MAN1A1: variants seen among roughly 807,000 people sequenced by gnomAD.
MAN1A1 encodes mannosyl-oligosaccharide 1,2-alpha-mannosidase IA.
A neutral mutation model predicts 70.8 loss-of-function variants in MAN1A1; 29 were observed. The observed-to-expected ratio is 0.41, with a 90% CI of 0.31 to 0.56. The LOEUF is 0.56. Ranked by LOEUF, MAN1A1 falls within the 20% of genes least tolerant of loss-of-function variation. The probability of loss-of-function intolerance (pLI) is 0.29; values close to 1 mark genes in which losing one functional copy is unlikely to be tolerated. For synonymous variants in MAN1A1, 349 were observed against 330.1 expected (o/e 1.06, Z -0.62); for missense variants, 747 against 841.3 (o/e 0.89, Z 1.39).
chr6:119,182,608 T>G (rs1306460510), intron 11 of MAN1A1, among the ~76,000 whole-genome samples: 1 of 152,082 alleles, frequency 6.6e-6, no homozygotes, highest in Non-Finnish European at 1.5e-5. Context: ...AAAGTTATTT[T>G]CTGCCATCAC....
chr6:119,198,666 G>A (rs1773637327), intron 8 of MAN1A1, among the ~76,000 whole-genome samples: 1 of 152,056 alleles, frequency 6.6e-6, no homozygotes, highest in African/African-American at 2.4e-5. Flanking sequence ...AAAAATTAGT[G>A]AGAAGACTGA....
intron 2 of MAN1A1, among the ~76,000 whole-genome samples, chr6:119,319,267 A>G (rs762982226): frequency 9.2e-5 from 14 of 152,044 alleles, no homozygotes; most frequent in East Asian, 1.9e-4. Context: ...GTGATGGCAA[A>G]TATTTCCTGG....
At chr6:119,304,755 C>T (rs1440941460) in intron 3 of MAN1A1, among the ~76,000 whole-genome samples, 5 of 152,182 alleles carry the variant, frequency 3.3e-5, no homozygotes, top group Non-Finnish European at 5.9e-5. Context: ...ATGCCTAATA[C>T]TTTCTCCAAA....
chr6:119,238,300 G>A (rs1197168652), intron 6 of MAN1A1, among the ~76,000 whole-genome samples: 3 of 152,158 alleles, frequency 2.0e-5, no homozygotes, highest in Admixed American at 6.5e-5. Context: ...CATGGCATAC[G>A]GAAGACCTCT....
intron 2 of MAN1A1, among the ~76,000 whole-genome samples, chr6:119,311,399 T>G (rs766089248): frequency 1.3e-5 from 2 of 152,142 alleles, no homozygotes; most frequent in African/African-American, 2.4e-5. Context: ...ATCCAAAAGA[T>G]GGAGGAAGAA....
chr6:119,342,575 C>T (rs1433971824), intron 2 of MAN1A1, among the ~76,000 whole-genome samples: 1 of 152,116 alleles, frequency 6.6e-6, no homozygotes, highest in Non-Finnish European at 1.5e-5. Flanking sequence ...TGGTAGAGGC[C>T]AGATTCAGAC....
intron 2 of MAN1A1, among the ~76,000 whole-genome samples, chr6:119,321,868 C>T (rs896048960): frequency 3.9e-5 from 6 of 152,132 alleles, no homozygotes; most frequent in African/African-American, 1.4e-4. Context: ...ATCCACCCAC[C>T]TCAGCCTCCC....
rs1773192059 is a variant in MAN1A1 at position 119,327,623 on chromosome 6, T to C, written c.604-20631A>G. Among the ~76,000 whole-genome samples, 3 of 152,036 alleles carry C rather than the reference T, an allele frequency of 2.0e-5. No individual in the cohort carries two copies. The South Asian group carries it at 6.2e-4, about 32-fold the overall frequency. On this transcript the variant is annotated intron_variant, in intron 2 of 12. Transcript: ENST00000368468. ...CAGGCTACATTCCATATTTTTAAGA[T>C]GGTAGTAAAACATGGTGACTATAGC...
intron 6 of MAN1A1, among the ~76,000 whole-genome samples, chr6:119,211,860 G>A (rs1465439041): frequency 3.4e-5 from 3 of 88,014 alleles, no homozygotes; most frequent in African/African-American, 1.4e-4. Context: ...TTTTTTTTTT[G>A]AGATGGAGTC....
intron 5 of MAN1A1, among the ~76,000 whole-genome samples, chr6:119,287,139 TTG>T (rs141648877): frequency 3.5e-4 from 54 of 152,230 alleles, no homozygotes; most frequent in African/African-American, 1.3e-3. Context: ...TTCAGGGACT[TTG>T]TGTCTTGAGT....
intron 2 of MAN1A1, among the ~76,000 whole-genome samples, chr6:119,347,123 GA>G (rs1240065237): frequency 6.6e-6 from 1 of 152,180 alleles, no homozygotes; most frequent in Non-Finnish European, 1.5e-5. Flanking sequence ...ATCTGCATAG[GA>G]AGGATGAAGA....
intron 2 of MAN1A1, among the ~76,000 whole-genome samples, chr6:119,314,409 C>T (rs188308923): frequency 4.9e-4 from 75 of 152,300 alleles, no homozygotes; most frequent in African/African-American, 1.8e-3. Context: ...AGTGAATTAA[C>T]TTTGTCAAAC....
intron 2 of MAN1A1, among the ~76,000 whole-genome samples, chr6:119,323,158 T>C (rs1028190248): frequency 3.3e-5 from 5 of 152,222 alleles, no homozygotes; most frequent in Non-Finnish European, 5.9e-5. Context: ...TGTAAGCTGC[T>C]TTTCCCAGGT....
chr6:119,230,520 ATCCACTC>A (rs1006522998), intron 6 of MAN1A1, among the ~76,000 whole-genome samples: 25 of 152,098 alleles, frequency 1.6e-4, no homozygotes, highest in African/African-American at 5.3e-4. Flanking sequence ...TGCCTGGACC[ATCCACTC>A]TCTTCTCTTC....
In MAN1A1 at chr6:119,248,344, T is replaced by C. The variant is rs1423093434; in HGVS notation, c.908A>G (p.Lys303Arg). 6.2e-7 allele frequency: 1 copy of C among 1,608,622 alleles called. No homozygotes were observed. Among genetic ancestry groups the C allele is most frequent in the Admixed American group, 1.7e-5 (1 of 60,014 alleles). Residue 303 changes from lysine (K) to arginine (R), a missense_variant, in exon 6 of 13, where the codon AAG becomes AGG. By Grantham distance (26) the Lys-to-Arg change is conservative. Transcript: ENST00000368468. ...YYLSGEEIFR[K>R]KAVELGVKLL... is the part of the protein sequence containing the mutation. ...TTTTACCCCAAGTTCCACTGCTTTC[T>C]TTCGAAAAATCTGAAAAGTCAAACA...
chr6:119,200,746 C>T (rs1205260293), intron 8 of MAN1A1, among the ~76,000 whole-genome samples: 4 of 152,180 alleles, frequency 2.6e-5, no homozygotes, highest in African/African-American at 4.8e-5. Context: ...GGTAATTCTA[C>T]TGGCAAGAAA....
chr6:119,189,167 A>T (rs1211788066), intron 10 of MAN1A1, among the ~76,000 whole-genome samples: 8 of 152,208 alleles, frequency 5.3e-5, no homozygotes, highest in African/African-American at 1.9e-4. Context: ...CACCAGGCAG[A>T]TACAAGGCAC....
chr6:119,249,814 A>T (rs181591893), intron 5 of MAN1A1, among the ~76,000 whole-genome samples: 107 of 152,050 alleles, frequency 7.0e-4, no homozygotes, highest in East Asian at 2.9e-3. Flanking sequence ...TTAAAAAAAA[A>T]TTTTTTTTAA....
intron 4 of MAN1A1, among the ~76,000 whole-genome samples, chr6:119,298,786 C>G (rs6569069): frequency 0.021 from 3,143 of 151,452 alleles, 52 homozygotes; most frequent in Non-Finnish European, 0.031. Context: ...TCAGTAGAGA[C>G]GGGGTTTCGC....
Sources: allele counts gnomAD v4.1 joint callset (sites outside exome capture counted in the v4.1 genomes callset), GRCh38; gene constraint gnomAD v4.1.1; transcripts MANE v1.5; gene names NCBI Gene and HGNC (gene_info 2026-07-23, HGNC 2026-07-21).